The following ATXN7 variants were observed in gnomAD, a reference collection of about 807,000 sequenced individuals.
The protein encoded by ATXN7 is ataxin 7, also known as ataxin-7.
Under a neutral mutation model 70.5 loss-of-function variants are expected in ATXN7, and 12 were observed. The observed-to-expected ratio is 0.17, with a 90% CI of 0.11 to 0.28. The LOEUF is 0.28. ATXN7 is among the 10% of genes least tolerant of loss of function. ATXN7 has a pLI of 1.00. For synonymous variants in ATXN7, 498 were observed against 448.7 expected (o/e 1.11, Z -1.39); for missense variants, 1,256 against 1,131.7 (o/e 1.11, Z -1.58).
chr3:63,917,222 C>T (rs1704315964), intron 4 of ATXN7, among the ~76,000 whole-genome samples: 2 of 152,146 alleles, frequency 1.3e-5, no homozygotes, highest in South Asian at 4.2e-4. Context: ...ACCTGGTTGA[C>T]GTTTTTGAAA....
At chr3:63,866,571 C>G (rs1702437301) in intron 1 of ATXN7, among the ~76,000 whole-genome samples, 1 of 152,138 alleles carries the variant, frequency 6.6e-6, no homozygotes, top group African/African-American at 2.4e-5. Flanking sequence ...GTTCTTGACT[C>G]AAGTGGTGGG....
intron 1 of ATXN7, among the ~76,000 whole-genome samples, chr3:63,891,167 G>A (rs772201323): frequency 2.8e-4 from 42 of 151,272 alleles, no homozygotes; most frequent in Admixed American, 5.9e-4. Flanking sequence ...GCAGCACCAC[G>A]CCTGGCTAAT....
At chr3:63,984,932 C>T (rs185963792) in intron 8 of ATXN7, among the ~76,000 whole-genome samples, 41 of 152,268 alleles carry the variant, frequency 2.7e-4, no homozygotes, top group African/African-American at 9.1e-4. Flanking sequence ...TCAAGCTTAC[C>T]TCATACTTGT....
chr3:63,897,070 G>A (rs1048966107), intron 1 of ATXN7, among the ~76,000 whole-genome samples: 4 of 152,192 alleles, frequency 2.6e-5, no homozygotes, highest in Admixed American at 6.5e-5. Context: ...TTTATTGACT[G>A]TCTCTATCAT....
At chr3:63,931,837 A>G (rs1217739576) in intron 4 of ATXN7, among the ~76,000 whole-genome samples, 2 of 152,160 alleles carry the variant, frequency 1.3e-5, no homozygotes, top group Non-Finnish European at 2.9e-5. Context: ...TTTTAACGAT[A>G]ATAAAACTGT....
At chr3:63,877,694 A>G (rs573494138) in intron 1 of ATXN7, among the ~76,000 whole-genome samples, 7 of 152,372 alleles carry the variant, frequency 4.6e-5, no homozygotes, top group African/African-American at 1.4e-4. Flanking sequence ...GATATGAGCC[A>G]TAAGTTCTTA....
rs1576007553 is a variant in ATXN7, at chr3:63,996,691, G to T, written c.2661+208G>T. 3 of 619,164 alleles carry T rather than the reference G, an allele frequency of 4.8e-6. No homozygotes were observed. In the East Asian group the frequency reaches 8.6e-5, roughly 18 times the overall value. The allele number at this position is 619,164 out of a possible 1,614,324, so 38.4% of individuals were successfully genotyped here. A position where few individuals can be genotyped will look rare whatever the true frequency, so the allele number is the denominator to read the frequency against. On this transcript the variant is annotated intron_variant, in intron 12 of 12. Coordinates refer to ENST00000674280, the MANE Select transcript of ATXN7 (RefSeq NM_001377405.1). ...ACAGGCTCTTCTGCCAGAATTTCTG[G>T]TGCCTTTGGAAGATGTTCTTCAGTA... is the stretch of plus-strand genomic sequence containing the variant.
intron 12 of ATXN7, among the ~76,000 whole-genome samples, chr3:63,997,074 T>TG (rs1253029842): frequency 6.6e-6 from 1 of 152,124 alleles, no homozygotes; most frequent in African/African-American, 2.4e-5. Context: ...CTGGCCAACA[T>TG]GGTAAAACCC....
intron 4 of ATXN7, among the ~76,000 whole-genome samples, chr3:63,917,218 T>C (rs975768015): frequency 7.2e-5 from 11 of 152,116 alleles, no homozygotes; most frequent in Admixed American, 5.2e-4. Context: ...CTGCACCTGG[T>C]TGACGTTTTT....
chr3:63,917,449 C>A (rs535097002), intron 4 of ATXN7, among the ~76,000 whole-genome samples: 2 of 150,822 alleles, frequency 1.3e-5, no homozygotes, highest in African/African-American at 4.8e-5. Flanking sequence ...TATTTAGAGA[C>A]CCTTAAAAAA....
At chr3:63,979,438 GA>G (rs1191253641) in intron 5 of ATXN7, among the ~76,000 whole-genome samples, 1 of 151,828 alleles carries the variant, frequency 6.6e-6, no homozygotes, top group Non-Finnish European at 1.5e-5. Flanking sequence ...TAGTGACAGG[GA>G]AAAAAAAGAA....
intron 4 of ATXN7, among the ~76,000 whole-genome samples, chr3:63,937,220 A>T (rs796303148): frequency 6.6e-6 from 1 of 152,228 alleles, no homozygotes; most frequent in Admixed American, 6.5e-5. Context: ...GAGGGAAGAC[A>T]GAAATATGTT....
intron 5 of ATXN7, among the ~76,000 whole-genome samples, chr3:63,976,214 G>A (rs2075385281): frequency 6.6e-6 from 1 of 152,132 alleles, no homozygotes. Context: ...AAAATCCTGT[G>A]AAAAATAAGA....
In ATXN7 at chr3:64,001,481, CA is replaced by C. The variant is rs1486493153; in HGVS notation, c.*2016del. On this transcript the variant is annotated 3_prime_UTR_variant, in exon 13 of 13. Coordinates refer to ENST00000674280, the MANE Select transcript of ATXN7 (RefSeq NM_001377405.1). The stretch of plus-strand genomic sequence containing the variant: ...TATGGGTAGAATTTATTTTCAGAGC[CA>C]AGAGGACTTGATGGTTATAAATAAA... 6.6e-6 allele frequency: 1 copy of C among 152,098 alleles called. No homozygotes were observed. Among genetic ancestry groups the C allele is most frequent in the Non-Finnish European group, 1.5e-5 (1 of 68,020 alleles). The allele number at this position is 152,098 out of a possible 1,614,324, so 9.4% of individuals were successfully genotyped here.
At chr3:63,966,471 G>A (rs923900992) in intron 5 of ATXN7, among the ~76,000 whole-genome samples, 1 of 152,102 alleles carries the variant, frequency 6.6e-6, no homozygotes, top group African/African-American at 2.4e-5. Context: ...TCCTCATCCT[G>A]TGCTTCTAAG....
chr3:63,867,338 CT>C (rs1702464220), intron 1 of ATXN7, among the ~76,000 whole-genome samples: 1 of 151,984 alleles, frequency 6.6e-6, no homozygotes, highest in South Asian at 2.1e-4. Context: ...TTTCTTTCTT[CT>C]TTTTTCCTTT....
intron 4 of ATXN7, among the ~76,000 whole-genome samples, chr3:63,944,162 C>T (rs1380674491): frequency 6.6e-6 from 1 of 152,148 alleles, no homozygotes; most frequent in Non-Finnish European, 1.5e-5. Context: ...AGTTGTTCCC[C>T]CGTATCTGCG....
intron 4 of ATXN7, 111 bp downstream of exon 4, chr3:63,913,336 C>A: frequency 8.6e-7 from 1 of 1,161,768 alleles, no homozygotes; most frequent in Non-Finnish European, 1.2e-6. Flanking sequence ...ACTCCCCGTG[C>A]CTGCGAAGAT....
rs536753831 is a variant in ATXN7 at position 63,951,305 on chromosome 3, G to A, written c.395-1074G>A. On this transcript the variant is annotated intron_variant, in intron 4 of 12. Coordinates refer to ENST00000674280, the MANE Select transcript of ATXN7 (RefSeq NM_001377405.1). ...TTATCCTCACTTGACATCTCCTTAA[G>A]GAATTTTCTTCTCCCTTTAAAACCA... Among the ~76,000 whole-genome samples, 5 of 151,924 alleles carry A rather than the reference G, an allele frequency of 3.3e-5. No homozygotes were observed. The East Asian group carries it at 9.7e-4, about 29-fold the overall frequency.
Sources: allele counts gnomAD v4.1 joint callset (sites outside exome capture counted in the v4.1 genomes callset), GRCh38; gene constraint gnomAD v4.1.1; transcripts MANE v1.5; gene names NCBI Gene and HGNC (gene_info 2026-07-23, HGNC 2026-07-21).